The following CADM2 variants were observed in gnomAD, a reference collection of about 807,000 sequenced individuals.
CADM2 encodes the protein cell adhesion molecule 2.
CADM2 carries 12 observed loss-of-function variants against 49.8 expected under a neutral mutation model. The ratio of observed to expected loss-of-function variants is 0.24; its 90% CI spans 0.15 to 0.39. The LOEUF (loss-of-function observed/expected upper bound fraction) is 0.39. Among genes scored for constraint, CADM2 ranks in the 10% least tolerant of loss-of-function variants. CADM2 has a pLI of 1.00. For missense variants in CADM2, 378 were observed against 492.3 expected (o/e 0.77, Z 2.20); for synonymous variants, 214 against 175.4 (o/e 1.22, Z -1.74).
At chr3:85,566,064 T>G (rs1165078709) in intron 1 of CADM2, among the ~76,000 whole-genome samples, 1 of 152,152 alleles carries the variant, frequency 6.6e-6, no homozygotes, top group Non-Finnish European at 1.5e-5. Flanking sequence ...TCAATGCTCT[T>G]AGAAATACAT....
chr3:85,627,514 A>G (rs1203354119), intron 1 of CADM2, among the ~76,000 whole-genome samples: 1 of 152,060 alleles, frequency 6.6e-6, no homozygotes, highest in Non-Finnish European at 1.5e-5. Flanking sequence ...ATTTGAAAAG[A>G]CAGTTTGAAT....
intron 6 of CADM2, among the ~76,000 whole-genome samples, chr3:85,923,547 A>AG (rs940885424): frequency 6.6e-6 from 1 of 151,544 alleles, no homozygotes; most frequent in South Asian, 2.1e-4. Context: ...CAAAAAAAAA[A>AG]AACAACAAAA....
intron 1 of CADM2, among the ~76,000 whole-genome samples, chr3:84,982,473 A>G (rs2032238082): frequency 1.3e-5 from 2 of 151,776 alleles, no homozygotes; most frequent in Admixed American, 1.3e-4. Context: ...AAGAAGGTAC[A>G]CTAATTACAC....
chr3:85,136,831 T>C (rs2039426252), intron 1 of CADM2, among the ~76,000 whole-genome samples: 1 of 151,972 alleles, frequency 6.6e-6, no homozygotes, highest in South Asian at 2.1e-4. Flanking sequence ...AGGAATAAAA[T>C]ATGCATTTTA....
intron 3 of CADM2, among the ~76,000 whole-genome samples, chr3:85,846,212 T>TA (rs946795009): frequency 3.9e-5 from 6 of 152,272 alleles, no homozygotes; most frequent in South Asian, 2.1e-4. Context: ...GCATTTTTAG[T>TA]AAAAAAATGA....
At chr3:85,789,956 G>T (rs2071228282) in intron 2 of CADM2, among the ~76,000 whole-genome samples, 1 of 152,118 alleles carries the variant, frequency 6.6e-6, no homozygotes, top group Admixed American at 6.6e-5. Flanking sequence ...AATGTTTTAA[G>T]ACATGCTAAA....
At chr3:85,038,656 A>G (rs2035315634) in intron 1 of CADM2, among the ~76,000 whole-genome samples, 2 of 152,190 alleles carry the variant, frequency 1.3e-5, no homozygotes, top group African/African-American at 2.4e-5. Context: ...ATTTACTAGC[A>G]TGTTGCCTAG....
rs147770977 is a variant in CADM2 at position 85,572,992 on chromosome 3, T to G, written c.62-153530T>G. Among the ~76,000 whole-genome samples, 268 of 151,710 alleles carry G rather than the reference T, an allele frequency of 1.8e-3. 1 individual carries two copies. Among genetic ancestry groups the G allele is most frequent in the African/African-American group, 6.2e-3 (256 of 41,002 alleles). Reference sequence around the variant, plus strand: ...TAAAATTAACATTACACTGTACATATTATCCTAATCGTGTATACATAAGAT... The same window carrying G: ...TAAAATTAACATTACACTGTACATAGTATCCTAATCGTGTATACATAAGAT... On this transcript the variant is annotated intron_variant, in intron 1 of 9. Coordinates refer to ENST00000383699, the MANE Select transcript of CADM2 (RefSeq NM_001167675.2).
At chr3:85,775,371 G>T (rs1419386323) in intron 2 of CADM2, among the ~76,000 whole-genome samples, 2 of 151,434 alleles carry the variant, frequency 1.3e-5, no homozygotes, top group African/African-American at 4.8e-5. Flanking sequence ...TATTACTACT[G>T]ATATCATCAG....
chr3:85,532,172 G>A (rs1400640815), intron 1 of CADM2, among the ~76,000 whole-genome samples: 4 of 145,144 alleles, frequency 2.8e-5, no homozygotes, highest in South Asian at 2.2e-4. Flanking sequence ...GCGAGACTCC[G>A]TCTCAAAAAT....
chr3:85,752,691 C>T (rs945948187), intron 2 of CADM2, among the ~76,000 whole-genome samples: 2 of 151,916 alleles, frequency 1.3e-5, no homozygotes, highest in African/African-American at 4.8e-5. Flanking sequence ...AGTTATTGCC[C>T]AAATGCAAAC....
chr3:85,769,565 ACG>A lies in CADM2; in HGVS notation c.89-32481_89-32480del, dbSNP rs1409840745. On this transcript the variant is annotated intron_variant, in intron 2 of 9. Coordinates refer to ENST00000383699, the MANE Select transcript of CADM2 (RefSeq NM_001167675.2). ...CGTATATACATATATGTATATATAC[ACG>A]TATATACATATATACATATATAGTA... Among the ~76,000 whole-genome samples, 27 of 62,666 alleles carry A rather than the reference ACG, an allele frequency of 4.3e-4. 2 individuals are homozygous for A. Among genetic ancestry groups the A allele is most frequent in the African/African-American group, 1.5e-3 (22 of 14,874 alleles). 41.1% of individuals were successfully genotyped at this position (62,666 alleles called of 152,430 possible). A position where few individuals can be genotyped will look rare whatever the true frequency, so the allele number is the denominator to read the frequency against.
chr3:85,944,923 A>G (rs1222128924), intron 7 of CADM2, among the ~76,000 whole-genome samples: 1 of 152,140 alleles, frequency 6.6e-6, no homozygotes, highest in Non-Finnish European at 1.5e-5. Context: ...GAAATAACTA[A>G]GATCAGAGCA....
chr3:86,019,521 T>A (rs1380610568), intron 8 of CADM2, among the ~76,000 whole-genome samples: 2 of 149,526 alleles, frequency 1.3e-5, no homozygotes, highest in Admixed American at 6.6e-5. Context: ...CATGGAATGT[T>A]CTTCCATTTG....
At chr3:86,041,063 A>C (rs1057327346) in intron 8 of CADM2, among the ~76,000 whole-genome samples, 10 of 152,162 alleles carry the variant, frequency 6.6e-5, no homozygotes, top group Non-Finnish European at 1.2e-4. Flanking sequence ...GCCTGCCCTA[A>C]AAGAGCTCCT....
intron 1 of CADM2, among the ~76,000 whole-genome samples, chr3:85,433,893 C>G (rs572438727): frequency 2.0e-5 from 3 of 152,028 alleles, no homozygotes; most frequent in African/African-American, 7.2e-5. Context: ...TGAAAAGTAA[C>G]CAATTTGTTC....
intron 3 of CADM2, among the ~76,000 whole-genome samples, chr3:85,837,203 T>C (rs934180327): frequency 6.6e-6 from 1 of 151,604 alleles, no homozygotes; most frequent in African/African-American, 2.4e-5. Context: ...GTTATAATGT[T>C]TGATGAGTTA....
chr3:85,114,612 GT>G (rs1285747102), intron 1 of CADM2, among the ~76,000 whole-genome samples: 1 of 152,138 alleles, frequency 6.6e-6, no homozygotes, highest in Non-Finnish European at 1.5e-5. Flanking sequence ...TAACTCTATA[GT>G]GCTTGTTGTC....
intron 1 of CADM2, among the ~76,000 whole-genome samples, chr3:85,246,444 A>G (rs1195919276): frequency 6.6e-6 from 1 of 152,050 alleles, no homozygotes; most frequent in Non-Finnish European, 1.5e-5. Flanking sequence ...TTAAAGTATA[A>G]TAAATAAATA....
Sources: allele counts gnomAD v4.1 joint callset (sites outside exome capture counted in the v4.1 genomes callset), GRCh38; gene constraint gnomAD v4.1.1; transcripts MANE v1.5; gene names NCBI Gene and HGNC (gene_info 2026-07-23, HGNC 2026-07-21).